Variants in PTPRN2 observed in about 807,000 individuals in gnomAD.
PTPRN2 encodes receptor-type tyrosine-protein phosphatase N2.
A neutral mutation model predicts 118.8 loss-of-function variants in PTPRN2; 74 were observed. The ratio of observed to expected loss-of-function variants is 0.62; its 90% CI spans 0.52 to 0.76. The LOEUF is 0.76. PTPRN2 is among the 30% of genes least tolerant of loss of function. PTPRN2 has a pLI of 0.00. For missense variants in PTPRN2, 1,481 were observed against 1,394.4 expected, an observed-to-expected ratio of 1.06 and a Z score of -0.99; for synonymous variants, 641 against 608.0, an observed-to-expected ratio of 1.05 and a Z score of -0.80.
rs967010194 is a variant in PTPRN2, at chr7:157,603,872, G to A, written c.2418+130C>T. 6.7e-5 allele frequency: 56 copies of A among 840,316 alleles called. No homozygotes were observed. Among genetic ancestry groups the A allele is most frequent in the Admixed American group, 3.0e-4 (12 of 40,502 alleles). The allele number at this position is 840,316 out of a possible 1,614,324, so 52.1% of individuals were successfully genotyped here. ...TGGCGGGAGCCCAATGGGCAGAGTCGGCCCTGTCCACCGCAGAGACGCTGA... is the reference window on the plus strand; with the variant it reads ...TGGCGGGAGCCCAATGGGCAGAGTCAGCCCTGTCCACCGCAGAGACGCTGA... On this transcript the variant is annotated intron_variant, in intron 16 of 22. Coordinates refer to ENST00000389418, the MANE Select transcript of PTPRN2 (RefSeq NM_002847.5). This position sits in a 1 kb window ranked among gnomAD's most constrained non-coding sequence, Gnocchi z 5.4.
Position 157,705,088 on chromosome 7 carries a change from G to A in PTPRN2, c.1789-22151C>T, listed in dbSNP as rs188605424. 5.7e-3 allele frequency among the ~76,000 whole-genome samples: 869 copies of A among 152,250 alleles called. 3 individuals carry two copies. Among genetic ancestry groups the A allele is most frequent in the South Asian group, 0.011 (51 of 4,808 alleles). ...TTGGGAGGCCCAGGGGGCGGATCAC[G>A]AGGTCAGGAGTTCGAGACCAGCCTG... On this transcript the variant is annotated intron_variant, in intron 12 of 22. Transcript: ENST00000389418.
intron 11 of PTPRN2, among the ~76,000 whole-genome samples, chr7:157,936,387 T>TCTGCCTGTGTCCCTCACTCCAC (rs1799699892): frequency 6.6e-6 from 1 of 152,156 alleles, no homozygotes; most frequent in Admixed American, 6.5e-5. Flanking sequence ...ATTCCTCCCC[T>TCTGCCTGTGTCCCTCACTCCAC]CTGCCTGTGT....
chr7:157,586,881 T>C lies in PTPRN2; in HGVS notation c.2496+8357A>G, dbSNP rs149739081. Among the ~76,000 whole-genome samples the C allele has an allele frequency of 3.0e-3, 456 of 152,292 alleles. 4 individuals are homozygous for C. The highest frequency in any genetic ancestry group is 0.02 in the Middle Eastern group (6 of 294). On this transcript the variant is annotated intron_variant, in intron 17 of 22. Transcript: ENST00000389418. ...AGCTCGGGCTGAGCGGATGCCATCTTTGGAGGATTTAAATGTTTTTAAAAA... is the reference window on the plus strand; with the variant it reads ...AGCTCGGGCTGAGCGGATGCCATCTCTGGAGGATTTAAATGTTTTTAAAAA...
In PTPRN2 at chr7:157,929,695, T is replaced by C. The variant is rs1369156540; in HGVS notation, c.1724-30958A>G. Among the ~76,000 whole-genome samples the C allele has an allele frequency of 9.3e-6, 1 of 107,552 alleles. No homozygotes were observed. The highest frequency in any genetic ancestry group is 4.9e-5 in the African/African-American group (1 of 20,586). 70.6% of individuals were successfully genotyped at this position (107,552 alleles called of 152,430 possible). ...CTCTGTCTCTACTGTAAGACTTCCC[T>C]GTCCCTCGGGTGGGGGCGGCATCCT... is the stretch of plus-strand genomic sequence containing the variant. On this transcript the variant is annotated intron_variant, in intron 11 of 22. Transcript: ENST00000389418. This position sits in a 1 kb window ranked among gnomAD's most constrained non-coding sequence, Gnocchi z 4.4.
chr7:157,647,080 ACT>A (rs1805155457), intron 14 of PTPRN2, among the ~76,000 whole-genome samples: 2 of 138,614 alleles, frequency 1.4e-5, no homozygotes, highest in African/African-American at 5.4e-5. Flanking sequence ...GGACCCATTC[ACT>A]GTGCACTGAA....
At chr7:158,457,941 T>A (rs143206790) in intron 2 of PTPRN2, among the ~76,000 whole-genome samples, 1,649 of 152,352 alleles carry the variant, frequency 0.011, 24 homozygotes, top group African/African-American at 0.037. Context: ...CACCTCTGAC[T>A]GAATTTTCAT....
Position 158,022,691 on chromosome 7 carries a change from G to A in PTPRN2, c.1723+58607C>T, listed in dbSNP as rs946637349. 6.6e-6 allele frequency among the ~76,000 whole-genome samples: 1 copy of A among 152,266 alleles called. No individual in the cohort carries two copies. The highest frequency in any genetic ancestry group is 2.4e-5 in the African/African-American group (1 of 41,468). On this transcript the variant is annotated intron_variant, in intron 11 of 22. Transcript: ENST00000389418. This position sits in a 1 kb window ranked among gnomAD's most constrained non-coding sequence, Gnocchi z 4.6. Reference sequence around the variant, plus strand: ...CAGGCACCTGGGCACTCTGTCTGGGGCAGCCTCTGGCTTTTAATGATGCAG... The same window carrying A: ...CAGGCACCTGGGCACTCTGTCTGGGACAGCCTCTGGCTTTTAATGATGCAG...
intron 22 of PTPRN2, among the ~76,000 whole-genome samples, chr7:157,546,429 C>A (rs536194335): frequency 6.6e-6 from 1 of 152,304 alleles, no homozygotes; most frequent in East Asian, 1.9e-4. Flanking sequence ...TGCTCCCCAT[C>A]CCCCTTCCCC....
At chr7:158,312,385 C>T (rs1414727289) in intron 3 of PTPRN2, among the ~76,000 whole-genome samples, 1 of 151,264 alleles carries the variant, frequency 6.6e-6, no homozygotes, top group Non-Finnish European at 1.5e-5. Flanking sequence ...TGCACACATA[C>T]CTGTACATGC....
rs942523707 is a variant in PTPRN2, at chr7:158,178,484, A to G, written c.550-11193T>C. Among the ~76,000 whole-genome samples the G allele has an allele frequency of 2.0e-4, 30 of 152,044 alleles. No individual in the cohort carries two copies. In the Middle Eastern group the frequency reaches 0.01, roughly 52 times the overall value. Reference sequence around the variant, plus strand: ...TCCTTTCCTGAGTTACTTCACTTAGAATAATGGCTTCCAGCTCCATCTAAG... The same window carrying G: ...TCCTTTCCTGAGTTACTTCACTTAGGATAATGGCTTCCAGCTCCATCTAAG... On this transcript the variant is annotated intron_variant, in intron 5 of 22. Coordinates refer to ENST00000389418, the MANE Select transcript of PTPRN2 (RefSeq NM_002847.5).
At chr7:158,033,730 G>C (rs926977045) in intron 11 of PTPRN2, among the ~76,000 whole-genome samples, 2 of 151,536 alleles carry the variant, frequency 1.3e-5, no homozygotes, top group Admixed American at 6.6e-5. Context: ...TGCACACTGA[G>C]ACCTCGATAG....
At position 157,889,916 on chromosome 7, in the gene PTPRN2, T is replaced by C. The variant is rs569696777; in HGVS notation, c.1788+8757A>G. Among the ~76,000 whole-genome samples, 323 of 152,374 alleles carry C rather than the reference T, an allele frequency of 2.1e-3. 2 individuals carry two copies. The highest frequency in any genetic ancestry group is 4.1e-3 in the Non-Finnish European group (277 of 68,036). ...CATAAGAGCTGCTCTCTTATTCACC[T>C]GTTACGTACATGGGCTTCTAACATC... On this transcript the variant is annotated intron_variant, in intron 12 of 22. Coordinates refer to ENST00000389418, the MANE Select transcript of PTPRN2 (RefSeq NM_002847.5).
chr7:158,080,646 A>G (rs1812749334), intron 11 of PTPRN2, among the ~76,000 whole-genome samples: 1 of 151,742 alleles, frequency 6.6e-6, no homozygotes, highest in Non-Finnish European at 1.5e-5. Context: ...TCTGTTCTTC[A>G]AGACTCTGGA....
Position 157,590,831 on chromosome 7 carries a change from G to T in PTPRN2, c.2496+4407C>A, listed in dbSNP as rs1800945868. ...TGCTGAGGAACTTGGGGCCCTCCTG[G>T]CTCCTCTGCCTCCCAGCAGCCCAGT... On this transcript the variant is annotated intron_variant, in intron 17 of 22. Transcript: ENST00000389418. This position sits in a 1 kb window ranked among gnomAD's most constrained non-coding sequence, Gnocchi z 4.0. Among the ~76,000 whole-genome samples the T allele has an allele frequency of 6.6e-6, 1 of 152,146 alleles. No individual in the cohort carries two copies. The highest frequency in any genetic ancestry group is 2.4e-5 in the African/African-American group (1 of 41,438).
chr7:158,230,871 T>G (rs1442085217), intron 3 of PTPRN2, among the ~76,000 whole-genome samples: 2 of 152,190 alleles, frequency 1.3e-5, no homozygotes, highest in Non-Finnish European at 1.5e-5. Flanking sequence ...AATTAAAAGA[T>G]ATAGAATGGC....
chr7:158,405,070 C>T (rs1257126570), intron 2 of PTPRN2, among the ~76,000 whole-genome samples: 1 of 149,908 alleles, frequency 6.7e-6, no homozygotes, highest in Non-Finnish European at 1.5e-5. Flanking sequence ...TCCCTGGCCT[C>T]CAGCTCCTCG....
chr7:157,987,119 T>C lies in PTPRN2; in HGVS notation c.1724-88382A>G, dbSNP rs1742619744. Among the ~76,000 whole-genome samples the C allele has an allele frequency of 6.6e-6, 1 of 152,132 alleles. No individual in the cohort carries two copies. On this transcript the variant is annotated intron_variant, in intron 11 of 22. Coordinates refer to ENST00000389418, the MANE Select transcript of PTPRN2 (RefSeq NM_002847.5). The surrounding 1 kb of genome is among the most constrained non-coding windows in gnomAD (Gnocchi z 4.3). ...AGCCCGTGAAGGTCACAGCCAGCCA[T>C]GAAACAGCTGCACTGCCCCAGCACG...
At chr7:157,599,931 C>T (rs1211361195) in intron 16 of PTPRN2, among the ~76,000 whole-genome samples, 2 of 116,732 alleles carry the variant, frequency 1.7e-5, no homozygotes, top group African/African-American at 6.8e-5. Flanking sequence ...ACCTCTCCAC[C>T]TGCCCACCTC....
At chr7:157,579,054 T>C (rs1235379740) in intron 17 of PTPRN2, among the ~76,000 whole-genome samples, 1 of 152,074 alleles carries the variant, frequency 6.6e-6, no homozygotes. Flanking sequence ...CAAAATCCAA[T>C]TAAGACCTTG....
Sources: gnomAD v4.1 joint callset for allele counts (sites outside exome capture counted in the v4.1 genomes callset) on GRCh38, gnomAD v4.1.1 for gene constraint, Gnocchi (gnomAD v3.1) non-coding constraint, MANE v1.5 for transcripts, NCBI Gene and HGNC (gene_info 2026-07-23, HGNC 2026-07-21) for gene names.